The following ZBTB20 variants were observed in gnomAD, a reference collection of about 807,000 sequenced individuals.
ZBTB20 encodes zinc finger and BTB domain containing 20, also known as zinc finger and BTB domain-containing protein 20.
In ZBTB20, 9 loss-of-function variants were observed where a neutral mutation model predicts 56.9. That is an observed-to-expected ratio of 0.16 (90% CI 0.10 to 0.28). The LOEUF (loss-of-function observed/expected upper bound fraction) is 0.28, where lower values mean the gene tolerates loss of function less well. Ranked by LOEUF, ZBTB20 falls within the 10% of genes least tolerant of loss-of-function variation. The pLI, the probability that ZBTB20 is intolerant of heterozygous loss-of-function variation, is 1.00. For missense variants in ZBTB20, 655 were observed against 1,003.0 expected (o/e 0.65, Z 4.69); for synonymous variants, 417 against 420.7 (o/e 0.99, Z 0.11).
intron 5 of ZBTB20, among the ~76,000 whole-genome samples, chr3:114,780,954 C>T (rs990839275): frequency 6.6e-6 from 1 of 152,104 alleles, no homozygotes; most frequent in Non-Finnish European, 1.5e-5. Flanking sequence ...CTCACTTCCC[C>T]AGAATATGCA....
intron 7 of ZBTB20, among the ~76,000 whole-genome samples, chr3:114,424,547 C>T (rs1408953228): frequency 6.6e-6 from 1 of 152,150 alleles, no homozygotes; most frequent in African/African-American, 2.4e-5. Context: ...TATTCTAATG[C>T]CAAAGCTGCC....
At position 114,318,873 on chromosome 3, in the gene ZBTB20, A is replaced by T. The variant is rs1353709304; in HGVS notation, c.*20132T>A. On this transcript the variant is annotated 3_prime_UTR_variant, in exon 12 of 12. Coordinates refer to ENST00000675478, the MANE Select transcript of ZBTB20 (RefSeq NM_001348800.3). ...AGGGGTTTCCCATAATTGGTTGAAG[A>T]CACAGGGTGGTAAAATGCTTCCACA... is the stretch of plus-strand genomic sequence containing the variant. 6.6e-6 allele frequency: 1 copy of T among 152,190 alleles called. No individual in the cohort carries two copies. The highest frequency in any genetic ancestry group is 1.5e-5 in the Non-Finnish European group (1 of 68,032). The allele number at this position is 152,190 out of a possible 1,614,324, so 9.4% of individuals were successfully genotyped here. A position where few individuals can be genotyped will look rare whatever the true frequency, so the allele number is the denominator to read the frequency against.
intron 6 of ZBTB20, among the ~76,000 whole-genome samples, chr3:114,611,797 T>A (rs7638433): frequency 0.021 from 3,238 of 152,236 alleles, 106 homozygotes; most frequent in African/African-American, 0.073. Context: ...ATCCCAACCC[T>A]CTCAATCTAC....
chr3:114,617,807 T>C (rs1028738923), intron 6 of ZBTB20, among the ~76,000 whole-genome samples: 2 of 152,188 alleles, frequency 1.3e-5, no homozygotes, highest in Non-Finnish European at 2.9e-5. Context: ...AAAATGCTTT[T>C]GCTTAGATAT....
chr3:115,063,895 A>G (rs2082108376), intron 2 of ZBTB20, among the ~76,000 whole-genome samples: 1 of 152,074 alleles, frequency 6.6e-6, no homozygotes, highest in Non-Finnish European at 1.5e-5. Flanking sequence ...CTTTGATACT[A>G]CCTCATTTCC....
At chr3:115,108,240 A>G (rs1040856382) in intron 1 of ZBTB20, among the ~76,000 whole-genome samples, 1 of 152,150 alleles carries the variant, frequency 6.6e-6, no homozygotes, top group Non-Finnish European at 1.5e-5. Flanking sequence ...TCATTTATCT[A>G]TTATTTCTTT....
At chr3:114,851,545 G>A (rs1373003982) in intron 4 of ZBTB20, among the ~76,000 whole-genome samples, 1 of 151,784 alleles carries the variant, frequency 6.6e-6, no homozygotes, top group Non-Finnish European at 1.5e-5. Context: ...GTGCATTTGT[G>A]GGATTTCTCA....
At chr3:114,774,651 G>A (rs758424029) in intron 5 of ZBTB20, among the ~76,000 whole-genome samples, 5 of 152,098 alleles carry the variant, frequency 3.3e-5, no homozygotes, top group South Asian at 2.1e-4. Context: ...AACAAATCTC[G>A]CCAACTCTCT....
At chr3:114,466,745 C>T (rs572801023) in intron 7 of ZBTB20, among the ~76,000 whole-genome samples, 2 of 152,330 alleles carry the variant, frequency 1.3e-5, no homozygotes, top group South Asian at 4.1e-4. Flanking sequence ...TTAATAAGCA[C>T]CTGCTGTGAG....
intron 7 of ZBTB20, among the ~76,000 whole-genome samples, chr3:114,417,348 T>G (rs575599373): frequency 6.6e-6 from 1 of 152,218 alleles, no homozygotes; most frequent in Non-Finnish European, 1.5e-5. Context: ...TGACATAAAT[T>G]TCAAATCTAA....
chr3:114,995,684 T>A (rs1028417699), intron 2 of ZBTB20, among the ~76,000 whole-genome samples: 1 of 151,872 alleles, frequency 6.6e-6, no homozygotes, highest in Admixed American at 6.6e-5. Context: ...AATAATACCA[T>A]AGTATGATAG....
intron 1 of ZBTB20, among the ~76,000 whole-genome samples, chr3:115,130,175 AATC>A (rs2084463422): frequency 6.6e-6 from 1 of 152,192 alleles, no homozygotes; most frequent in South Asian, 2.1e-4. Context: ...ATTTGCCTAT[AATC>A]ATATTCTATG....
intron 3 of ZBTB20, among the ~76,000 whole-genome samples, chr3:114,947,200 A>T (rs577060038): frequency 6.8e-6 from 1 of 146,294 alleles, no homozygotes; most frequent in South Asian, 2.1e-4. Context: ...ACGCTTATAC[A>T]CTGTTGGTGG....
intron 1 of ZBTB20, among the ~76,000 whole-genome samples, chr3:115,142,053 T>G (rs2084825473): frequency 6.6e-6 from 1 of 152,142 alleles, no homozygotes; most frequent in Non-Finnish European, 1.5e-5. Flanking sequence ...AAATAACACT[T>G]CATCCCAAAA....
In ZBTB20 at chr3:114,327,876, G is replaced by T. The variant is rs1225457295; in HGVS notation, c.*11129C>A. The T allele has an allele frequency of 1.3e-5, 2 of 152,180 alleles. No individual in the cohort carries two copies. The highest frequency in any genetic ancestry group is 6.5e-5 in the Admixed American group (1 of 15,276). The allele number at this position is 152,180 out of a possible 1,614,324, so 9.4% of individuals were successfully genotyped here. A position where few individuals can be genotyped will look rare whatever the true frequency, so the allele number is the denominator to read the frequency against. On this transcript the variant is annotated 3_prime_UTR_variant, in exon 12 of 12. Transcript: ENST00000675478. Reference sequence around the variant, plus strand: ...GCAAGAATATTGGACCAGAAGTCAGGAAAGACTGTGTTACGAAGTTGTTGT... The same window carrying T: ...GCAAGAATATTGGACCAGAAGTCAGTAAAGACTGTGTTACGAAGTTGTTGT...
chr3:114,748,893 A>G (rs569838821), intron 5 of ZBTB20, among the ~76,000 whole-genome samples: 2 of 152,318 alleles, frequency 1.3e-5, no homozygotes, highest in African/African-American at 4.8e-5. Context: ...AAATGCTTTA[A>G]TTGCCCACTT....
chr3:114,387,813 GT>G (rs2085341086), intron 8 of ZBTB20: 1 of 152,300 alleles, frequency 6.6e-6, no homozygotes, highest in South Asian at 2.1e-4. Flanking sequence ...AAGAAACTAT[GT>G]TTGATCTTCT....
chr3:114,583,027 G>C (rs2107499458), intron 6 of ZBTB20, among the ~76,000 whole-genome samples: 1 of 152,338 alleles, frequency 6.6e-6, no homozygotes, highest in Admixed American at 6.5e-5. Flanking sequence ...TGCATTGCCA[G>C]ACTTTACTTA....
At chr3:114,702,903 A>T (rs1203248412) in intron 5 of ZBTB20, among the ~76,000 whole-genome samples, 1 of 152,132 alleles carries the variant, frequency 6.6e-6, no homozygotes, top group Non-Finnish European at 1.5e-5. Context: ...TACACATTAC[A>T]TTAAGTATTC....
Sources: gnomAD v4.1 joint callset for allele counts (sites outside exome capture counted in the v4.1 genomes callset) on GRCh38, gnomAD v4.1.1 for gene constraint, MANE v1.5 for transcripts, NCBI Gene and HGNC (gene_info 2026-07-23, HGNC 2026-07-21) for gene names.